The following SGCD variants were observed in gnomAD, a reference collection of about 807,000 sequenced individuals.
The protein encoded by SGCD is sarcoglycan delta.
Under a neutral mutation model 36.6 loss-of-function variants are expected in SGCD, and 18 were observed. The ratio of observed to expected loss-of-function variants is 0.49; its 90% CI spans 0.34 to 0.73. SGCD has a LOEUF of 0.73. Among genes scored for constraint, SGCD ranks in the 30% least tolerant of loss-of-function variants. The pLI is 0.01. For missense variants in SGCD, 387 were observed against 346.7 expected (o/e 1.12, Z -0.92); for synonymous variants, 133 against 130.6 (o/e 1.02, Z -0.12).
chr5:156,501,511 T>C (rs982299604), intron 3 of SGCD, among the ~76,000 whole-genome samples: 1 of 152,194 alleles, frequency 6.6e-6, no homozygotes, highest in Non-Finnish European at 1.5e-5. Context: ...TTAAAACAAC[T>C]AACCAATCTG....
rs148385488 is a variant in SGCD at position 155,878,939 on chromosome 5, C to A, written c.-282+8515C>A. On this transcript the variant is annotated intron_variant, in intron 1 of 9. Coordinates refer to the SGCD transcript ENST00000517913. ...AGTTTCACTTGGCTTTGTTTGTTAG[C>A]GTCTGCTAACAAATAAAACTGAGTC... 3.1e-4 allele frequency among the ~76,000 whole-genome samples: 47 copies of A among 152,124 alleles called. 1 individual carries two copies. The highest frequency in any genetic ancestry group is 1.0e-3 in the African/African-American group (43 of 41,504).
rs201655738 is a variant in SGCD at position 156,575,808 on chromosome 5, A to G, written c.295-13423A>G. Among the ~76,000 whole-genome samples the G allele has an allele frequency of 9.2e-5, 14 of 152,210 alleles. No individual in the cohort carries two copies. The East Asian group carries it at 2.3e-3, about 25-fold the overall frequency. On this transcript the variant is annotated intron_variant, in intron 4 of 8. Coordinates refer to ENST00000337851, the MANE Select transcript of SGCD (RefSeq NM_000337.6). ...GCGATTGGGTACACAAAGGTACACA[A>G]GTTATGTTGACATAGGACTTCTCAG...
intron 3 of SGCD, among the ~76,000 whole-genome samples, chr5:156,491,847 G>A (rs781245672): frequency 1.3e-5 from 2 of 152,076 alleles, no homozygotes; most frequent in South Asian, 2.1e-4. Flanking sequence ...GCTCTTTGTA[G>A]TTGTGACATA....
intron 1 of SGCD, among the ~76,000 whole-genome samples, chr5:156,069,455 AG>A (rs1760461633): frequency 6.6e-6 from 1 of 152,090 alleles, no homozygotes; most frequent in Admixed American, 6.5e-5. Context: ...GTTATTTCTA[AG>A]GGGTCTCTTC....
At chr5:156,115,360 A>G (rs1366779524) in intron 1 of SGCD, among the ~76,000 whole-genome samples, 2 of 152,010 alleles carry the variant, frequency 1.3e-5, no homozygotes, top group African/African-American at 2.4e-5. Flanking sequence ...TTTAAAACAT[A>G]TTAAAGTAAG....
At chr5:155,811,544 C>A in the SGCD span, among the ~76,000 whole-genome samples, 1 of 152,134 alleles carries the variant, frequency 6.6e-6, no homozygotes, top group Non-Finnish European at 1.5e-5. Flanking sequence ...GGACAAGCAT[C>A]CTCAGAACAC....
At chr5:155,863,955 C>T in the SGCD span, among the ~76,000 whole-genome samples, 1 of 149,198 alleles carries the variant, frequency 6.7e-6, no homozygotes. Flanking sequence ...GACAAATAAA[C>T]AATCAAATAG....
intron 4 of SGCD, among the ~76,000 whole-genome samples, chr5:156,574,238 T>C (rs1229968701): frequency 1.3e-5 from 2 of 152,154 alleles, no homozygotes. Context: ...TCTTAATCAC[T>C]ACATAGAAAG....
At chr5:155,828,711 G>C in the SGCD span, among the ~76,000 whole-genome samples, 1 of 151,296 alleles carries the variant, frequency 6.6e-6, no homozygotes, top group Non-Finnish European at 1.5e-5. Context: ...TTTTGAGACA[G>C]AGTCTTGCTC....
At chr5:156,675,289 C>T (rs745414178) in intron 7 of SGCD, among the ~76,000 whole-genome samples, 2 of 152,176 alleles carry the variant, frequency 1.3e-5, no homozygotes, top group African/African-American at 2.4e-5. Context: ...GAATGTGGAG[C>T]TTAATAAATG....
intron 1 of SGCD, among the ~76,000 whole-genome samples, chr5:156,095,171 T>C (rs1761345262): frequency 6.9e-6 from 1 of 144,528 alleles, no homozygotes; most frequent in Admixed American, 6.7e-5. Context: ...AGTCTGACTT[T>C]GCACAACCTG....
At chr5:156,446,488 G>C (rs192469164) in intron 3 of SGCD, among the ~76,000 whole-genome samples, 2 of 152,212 alleles carry the variant, frequency 1.3e-5, no homozygotes, top group African/African-American at 4.8e-5. Flanking sequence ...GCCAGCTTCA[G>C]GGTTCTAGAG....
At chr5:156,025,829 T>G (rs1039142738) in intron 1 of SGCD, among the ~76,000 whole-genome samples, 2 of 152,228 alleles carry the variant, frequency 1.3e-5, no homozygotes, top group African/African-American at 4.8e-5. Context: ...AGAGCAGAAG[T>G]GATTCCTGGG....
chr5:155,880,193 A>C (rs1755853016), intron 1 of SGCD, among the ~76,000 whole-genome samples: 1 of 152,154 alleles, frequency 6.6e-6, no homozygotes, highest in African/African-American at 2.4e-5. Context: ...TTAAAGTGAG[A>C]ATAAGTTTAC....
chr5:156,419,337 A>C (rs935614605), intron 3 of SGCD, among the ~76,000 whole-genome samples: 4 of 152,052 alleles, frequency 2.6e-5, no homozygotes, highest in Admixed American at 2.6e-4. Flanking sequence ...GGGACTTCCT[A>C]CCTTTTTCTG....
At chr5:155,786,321 C>G in the SGCD span, among the ~76,000 whole-genome samples, 1 of 152,112 alleles carries the variant, frequency 6.6e-6, no homozygotes, top group African/African-American at 2.4e-5. Flanking sequence ...CTGTTTGGCA[C>G]CAGCCCCAGG....
At chr5:156,201,668 C>T (rs986657193) in intron 3 of SGCD, among the ~76,000 whole-genome samples, 6 of 150,984 alleles carry the variant, frequency 4.0e-5, no homozygotes, top group African/African-American at 1.5e-4. Context: ...AAATTAAAAT[C>T]GAATGAATGC....
intron 3 of SGCD, among the ~76,000 whole-genome samples, chr5:156,178,563 T>C (rs564790067): frequency 6.6e-6 from 1 of 152,304 alleles, no homozygotes; most frequent in East Asian, 1.9e-4. Flanking sequence ...AATTTTATCT[T>C]ATAGACAAAT....
chr5:156,527,994 TATATC>T lies in SGCD; in HGVS notation c.294+19304_294+19308del, dbSNP rs563632569. 7.2e-5 allele frequency among the ~76,000 whole-genome samples: 11 copies of T among 152,356 alleles called. No individual in the cohort carries two copies. The South Asian group carries it at 1.9e-3, about 26-fold the overall frequency. On this transcript the variant is annotated intron_variant, in intron 4 of 8. Coordinates refer to ENST00000337851, the MANE Select transcript of SGCD (RefSeq NM_000337.6). ...CTCTGACCCAGTAGATTTATCTTGT[TATATC>T]ATATCATATCAGATTACATATGTAT...
Sources: gnomAD v4.1 joint callset for allele counts (sites outside exome capture counted in the v4.1 genomes callset) on GRCh38, gnomAD v4.1.1 for gene constraint, MANE v1.5 for transcripts, NCBI Gene and HGNC (gene_info 2026-07-23, HGNC 2026-07-21) for gene names.